Variants in ASIC2 observed in about 807,000 individuals in gnomAD.
ASIC2 encodes acid-sensing ion channel 2.
Under a neutral mutation model 57.3 loss-of-function variants are expected in ASIC2, and 25 were observed. That is an observed-to-expected ratio of 0.44 (90% confidence interval 0.32 to 0.61). ASIC2 has a LOEUF of 0.61. Ranked by LOEUF, ASIC2 falls within the 20% of genes least tolerant of loss-of-function variation. ASIC2 has a pLI of 0.06. For missense variants in ASIC2, 641 were observed against 738.1 expected (o/e 0.87, Z 1.52); for synonymous variants, 319 against 307.5 (o/e 1.04, Z -0.39).
At chr17:33,508,830 GCAC>G (rs1161443395) in intron 1 of ASIC2, among the ~76,000 whole-genome samples, 30 of 152,144 alleles carry the variant, frequency 2.0e-4, no homozygotes, top group Admixed American at 2.0e-3. Flanking sequence ...TCACTCACCA[GCAC>G]CATCATCTCC....
At chr17:33,537,948 C>T (rs985744756) in intron 1 of ASIC2, among the ~76,000 whole-genome samples, 1 of 152,308 alleles carries the variant, frequency 6.6e-6, no homozygotes, top group Non-Finnish European at 1.5e-5. Flanking sequence ...CTATCTATAA[C>T]TTTTTCACTA....
intron 1 of ASIC2, among the ~76,000 whole-genome samples, chr17:33,394,922 C>T (rs1910022830): frequency 6.6e-6 from 1 of 151,972 alleles, no homozygotes; most frequent in East Asian, 1.9e-4. Flanking sequence ...TCCACCTACA[C>T]ACCCACTCAT....
chr17:33,985,907 G>T (rs1905802386), intron 1 of ASIC2, among the ~76,000 whole-genome samples: 1 of 152,178 alleles, frequency 6.6e-6, no homozygotes. Context: ...CAGGGCCTTT[G>T]GCCTGGGTCT....
intron 1 of ASIC2, among the ~76,000 whole-genome samples, chr17:33,697,114 C>G (rs554821391): frequency 1.3e-5 from 2 of 152,248 alleles, no homozygotes; most frequent in African/African-American, 4.8e-5. Context: ...TGTGATGTAC[C>G]TGCACCCCCT....
chr17:34,098,177 C>T (rs1910614187), intron 1 of ASIC2, among the ~76,000 whole-genome samples: 2 of 152,264 alleles, frequency 1.3e-5, no homozygotes, highest in South Asian at 4.2e-4. Flanking sequence ...TGTGACCAGA[C>T]ACAATGAGGT....
intron 1 of ASIC2, among the ~76,000 whole-genome samples, chr17:33,574,100 G>A (rs1007008124): frequency 2.6e-5 from 4 of 152,184 alleles, no homozygotes; most frequent in Admixed American, 1.3e-4. Context: ...GGTTCTGTTC[G>A]TTTAGGTGTA....
intron 1 of ASIC2, among the ~76,000 whole-genome samples, chr17:34,077,054 A>T (rs1457692962): frequency 1.3e-5 from 2 of 152,192 alleles, no homozygotes; most frequent in Non-Finnish European, 2.9e-5. Context: ...AACCCCAGAG[A>T]AGTGATGTAA....
At chr17:33,288,275 G>A (rs992752447) in intron 1 of ASIC2, among the ~76,000 whole-genome samples, 1 of 152,100 alleles carries the variant, frequency 6.6e-6, no homozygotes, top group African/African-American at 2.4e-5. Flanking sequence ...TCCAAAGCAG[G>A]AGAAACCCCA....
chr17:34,114,941 T>C (rs1004594356), intron 1 of ASIC2, among the ~76,000 whole-genome samples: 31 of 152,316 alleles, frequency 2.0e-4, no homozygotes, highest in African/African-American at 6.7e-4. Flanking sequence ...CCATGTCTAA[T>C]GAGCACCCCG....
At chr17:33,963,370 G>T (rs1904983926) in intron 1 of ASIC2, among the ~76,000 whole-genome samples, 1 of 152,130 alleles carries the variant, frequency 6.6e-6, no homozygotes, top group Non-Finnish European at 1.5e-5. Flanking sequence ...TTTCGTTTCT[G>T]CCCCATGCTA....
chr17:33,300,142 C>T (rs1476275052), intron 1 of ASIC2, among the ~76,000 whole-genome samples: 1 of 152,182 alleles, frequency 6.6e-6, no homozygotes, highest in Non-Finnish European at 1.5e-5. Flanking sequence ...ACCCAGTTTT[C>T]CTCCCTGGAG....
intron 1 of ASIC2, among the ~76,000 whole-genome samples, chr17:33,630,800 G>A (rs1160992943): frequency 4.6e-5 from 7 of 152,160 alleles, no homozygotes; most frequent in Admixed American, 1.3e-4. Context: ...GTAAGCATTA[G>A]TTATTATTGT....
upstream of ASIC2, among the ~76,000 whole-genome samples, chr17:33,297,736 A>T (rs1905774481): frequency 6.6e-6 from 1 of 151,686 alleles, no homozygotes; most frequent in African/African-American, 2.4e-5. Flanking sequence ...AAGTGGGGGG[A>T]TCCTGAGCCT....
intron 1 of ASIC2, among the ~76,000 whole-genome samples, chr17:33,379,356 C>T (rs751091259): frequency 1.4e-4 from 22 of 152,206 alleles, no homozygotes; most frequent in Non-Finnish European, 2.2e-4. Flanking sequence ...AAGCACTCAA[C>T]GCAATGACTG....
At chr17:33,355,673 A>T (rs1177044847) in intron 1 of ASIC2, among the ~76,000 whole-genome samples, 1 of 152,206 alleles carries the variant, frequency 6.6e-6, no homozygotes, top group African/African-American at 2.4e-5. Flanking sequence ...TAGAAGTTTC[A>T]TAAATGTTTG....
At chr17:33,472,020 CTTTTT>C (rs58443184) in intron 1 of ASIC2, among the ~76,000 whole-genome samples, 2 of 139,482 alleles carry the variant, frequency 1.4e-5, no homozygotes, top group African/African-American at 2.6e-5. Context: ...AGGGACTTTT[CTTTTT>C]TTTTTTTTTT....
chr17:33,032,472 A>G, intron 3 of ASIC2, among the ~76,000 whole-genome samples: 1 of 97,198 alleles, frequency 1.0e-5, no homozygotes, highest in African/African-American at 4.2e-5. Context: ...TTTTTGAGAC[A>G]AAGTCTCACT....
intron 1 of ASIC2, among the ~76,000 whole-genome samples, chr17:33,512,627 T>C (rs1057203826): frequency 6.6e-6 from 1 of 152,080 alleles, no homozygotes; most frequent in Non-Finnish European, 1.5e-5. Flanking sequence ...CCTAGTACCA[T>C]CACGTCTACA....
rs540715565 is a variant in ASIC2, at chr17:34,057,976, A to G, written c.555+98002T>C. Among the ~76,000 whole-genome samples the G allele has an allele frequency of 9.2e-5, 14 of 152,210 alleles. No homozygotes were observed. In the South Asian group the frequency reaches 2.9e-3, roughly 32 times the overall value. On this transcript the variant is annotated intron_variant, in intron 1 of 9. Transcript: ENST00000359872. ...AGCCCATAGTCCCAGACATTTTGAC[A>G]CCTACACCCATGTACTTGTGTGCGT...
Sources: allele counts gnomAD v4.1 joint callset (sites outside exome capture counted in the v4.1 genomes callset), GRCh38; gene constraint gnomAD v4.1.1; transcripts MANE v1.5; gene names NCBI Gene and HGNC (gene_info 2026-07-23, HGNC 2026-07-21).